The following ABCA1 variants were observed in gnomAD, a reference collection of about 807,000 sequenced individuals.
The protein encoded by ABCA1 is ATP binding cassette subfamily A member 1, also known as phospholipid-transporting ATPase ABCA1.
A neutral mutation model predicts 262.5 loss-of-function variants in ABCA1; 133 were observed. That is an observed-to-expected ratio of 0.51 (90% CI 0.44 to 0.59). The LOEUF (loss-of-function observed/expected upper bound fraction) is 0.59, where lower values mean the gene tolerates loss of function less well. ABCA1 is among the 20% of genes least tolerant of loss of function. The probability of loss-of-function intolerance (pLI) is 0.00; values close to 1 mark genes in which losing one functional copy is unlikely to be tolerated. For missense variants in ABCA1, 2,452 were observed against 2,777.5 expected (o/e 0.88, Z 2.63); for synonymous variants, 1,022 against 1,043.5 (o/e 0.98, Z 0.40).
rs372326845 is a variant in ABCA1 at position 104,920,254 on chromosome 9, G to T, written c.-93+7681C>A. On this transcript the variant is annotated intron_variant, in intron 1 of 49. Transcript: ENST00000374736. The stretch of plus-strand genomic sequence containing the variant: ...TGTATTTTTTCTGAAGAGAAAATCC[G>T]TATCTTTCTTCAAAGAAGTCAACAA... 2.0e-5 allele frequency among the ~76,000 whole-genome samples: 3 copies of T among 152,250 alleles called. No homozygotes were observed. In the East Asian group the frequency reaches 5.8e-4, roughly 29 times the overall value.
chr9:104,787,891 AAC>A, intron 46 of ABCA1, 27 bp downstream of exon 46: 2 of 1,613,916 alleles, frequency 1.2e-6, no homozygotes, highest in Middle Eastern at 1.7e-4. Flanking sequence ...AGGCCAGAAC[AAC>A]AGTTTTCCAT....
chr9:104,833,840 C>T (rs939675333), intron 11 of ABCA1, among the ~76,000 whole-genome samples: 5 of 152,186 alleles, frequency 3.3e-5, no homozygotes, highest in African/African-American at 1.2e-4. Flanking sequence ...CATGGGTCAA[C>T]ACGAAAGAGA....
chr9:104,921,883 G>T (rs895738321), intron 1 of ABCA1, among the ~76,000 whole-genome samples: 17 of 152,142 alleles, frequency 1.1e-4, no homozygotes, highest in Admixed American at 6.6e-5. Context: ...TTAAAAAACA[G>T]AATTAAATAC....
intron 32 of ABCA1, 147 bp downstream of exon 32, chr9:104,804,479 T>C (rs1830600590): frequency 2.7e-6 from 2 of 727,848 alleles, no homozygotes; most frequent in Non-Finnish European, 5.0e-6. Context: ...TCATCTTTTC[T>C]AGTTTGGGAT....
chr9:104,858,702 G>C lies in ABCA1; in HGVS notation c.544-4C>G. The C allele has an allele frequency of 6.2e-7, 1 of 1,614,040 alleles. No homozygotes were observed. The highest frequency in any genetic ancestry group is 8.5e-7 in the Non-Finnish European group (1 of 1,180,000). On this transcript the variant is annotated splice_polypyrimidine_tract_variant and splice_region_variant and intron_variant, in intron 6 of 49. Transcript: ENST00000374736. ...ACTGGTAGCCTTGCAAAAATACCTG[G>C]AAGCATTTCATGCAAAGAGAGACAA...
intron 34 of ABCA1, among the ~76,000 whole-genome samples, chr9:104,801,344 C>T (rs144501560): frequency 0.032 from 4,896 of 151,996 alleles, 141 homozygotes; most frequent in Non-Finnish European, 0.045. Context: ...CTCAGCCTCC[C>T]GAGTAGCTGG....
At chr9:104,801,944 C>T in intron 34 of ABCA1, 110 bp downstream of exon 34, 1 of 997,082 alleles carries the variant, frequency 1.0e-6, no homozygotes, top group Non-Finnish European at 1.6e-6. Flanking sequence ...TGTATGCCAA[C>T]ATATTCAGAA....
Position 104,785,653 on chromosome 9 carries a change from A to T in ABCA1, c.6402-14T>A. On this transcript the variant is annotated splice_polypyrimidine_tract_variant and intron_variant, in intron 48 of 49. Transcript: ENST00000374736. Reference sequence around the variant, plus strand: ...CCATCTCCAAACCTGAAAGCAGGAAAAAATACCCAAATGGAGGATCTCCAG... The same window carrying T: ...CCATCTCCAAACCTGAAAGCAGGAATAAATACCCAAATGGAGGATCTCCAG... 1.2e-6 allele frequency: 2 copies of T among 1,613,830 alleles called. No individual in the cohort carries two copies. Among genetic ancestry groups the T allele is most frequent in the Non-Finnish European group, 1.7e-6 (2 of 1,179,982 alleles).
chr9:104,882,112 A>G (rs1325394992), intron 5 of ABCA1, among the ~76,000 whole-genome samples: 2 of 150,764 alleles, frequency 1.3e-5, no homozygotes, highest in Middle Eastern at 3.5e-3. Flanking sequence ...TCTTTTGCCA[A>G]ATAGAAAACA....
At chr9:104,815,819 C>G (rs1831700634) in intron 25 of ABCA1, among the ~76,000 whole-genome samples, 1 of 152,262 alleles carries the variant, frequency 6.6e-6, no homozygotes, top group African/African-American at 2.4e-5. Flanking sequence ...GCCGCTGTTC[C>G]TCACACTGTA....
At position 104,836,970 on chromosome 9, in the gene ABCA1, G is replaced by A; in HGVS notation, c.1311+10C>T. ...AGCAGGCACATGGTAATAATGGGAG[G>A]GACACTCACCCGGACAAGGTCCATT... is the stretch of plus-strand genomic sequence containing the variant. On this transcript the variant is annotated intron_variant, in intron 11 of 49. Transcript: ENST00000374736. The A allele has an allele frequency of 6.2e-7, 1 of 1,603,790 alleles. No individual in the cohort carries two copies. Among genetic ancestry groups the A allele is most frequent in the Non-Finnish European group, 8.5e-7 (1 of 1,170,666 alleles).
chr9:104,822,437 T>C, intron 19 of ABCA1, 59 bp downstream of exon 19: 4 of 1,604,954 alleles, frequency 2.5e-6, no homozygotes, highest in Non-Finnish European at 3.4e-6. Flanking sequence ...TATAAATTTC[T>C]AACTCTACTG....
chr9:104,909,614 ACACAC>A (rs1841376872), intron 1 of ABCA1, among the ~76,000 whole-genome samples: 3 of 57,020 alleles, frequency 5.3e-5, no homozygotes, highest in African/African-American at 2.2e-4. Flanking sequence ...AAATACACAC[ACACAC>A]ACACACACAC....
At chr9:104,886,686 G>A (rs545500894) in intron 3 of ABCA1, among the ~76,000 whole-genome samples, 9 of 152,194 alleles carry the variant, frequency 5.9e-5, no homozygotes, top group Non-Finnish European at 1.3e-4. Context: ...AGCAGGGGTG[G>A]CAAAGGCCCT....
intron 2 of ABCA1, among the ~76,000 whole-genome samples, chr9:104,899,259 G>A (rs1840465934): frequency 6.6e-6 from 1 of 152,232 alleles, no homozygotes; most frequent in Non-Finnish European, 1.5e-5. Context: ...TAAGGACAGG[G>A]AAGAAATGTG....
Position 104,875,860 on chromosome 9 carries a change from C to T in ABCA1, c.421+7179G>A, listed in dbSNP as rs146705980. 6.9e-3 allele frequency among the ~76,000 whole-genome samples: 1,057 copies of T among 152,274 alleles called. 17 individuals are homozygous for T. Among genetic ancestry groups the T allele is most frequent in the Middle Eastern group, 0.048 (14 of 294 alleles). On this transcript the variant is annotated intron_variant, in intron 5 of 49. Coordinates refer to ENST00000374736, the MANE Select transcript of ABCA1 (RefSeq NM_005502.4). ...AGGGACCGCGGTGTGTATGTACCCC[C>T]AGAAACGTGTGACTTGTCAGCCCTA...
chr9:104,920,116 C>T lies in ABCA1; in HGVS notation c.-93+7819G>A, dbSNP rs146181053. Among the ~76,000 whole-genome samples, 939 of 152,234 alleles carry T rather than the reference C, an allele frequency of 6.2e-3. 10 individuals are homozygous for T. The highest frequency in any genetic ancestry group is 0.022 in the African/African-American group (896 of 41,526). On this transcript the variant is annotated intron_variant, in intron 1 of 49. Transcript: ENST00000374736. ...TAGTATCATTTTACAGACCAACAAC[C>T]TAAAAAACAGAAAAGTAAAATGACT... is the stretch of plus-strand genomic sequence containing the variant.
At chr9:104,846,775 G>A (rs1834930494) in intron 7 of ABCA1, among the ~76,000 whole-genome samples, 1 of 152,162 alleles carries the variant, frequency 6.6e-6, no homozygotes, top group South Asian at 2.1e-4. Flanking sequence ...AGTCCTCAAA[G>A]GGACCTACGC....
intron 5 of ABCA1, among the ~76,000 whole-genome samples, chr9:104,875,153 C>A (rs1410598054): frequency 6.6e-6 from 1 of 151,418 alleles, no homozygotes; most frequent in Non-Finnish European, 1.5e-5. Context: ...AAGAAAAATT[C>A]TTCTGCCTTG....
Sources: allele counts gnomAD v4.1 joint callset (sites outside exome capture counted in the v4.1 genomes callset), GRCh38; gene constraint gnomAD v4.1.1; transcripts MANE v1.5; gene names NCBI Gene and HGNC (gene_info 2026-07-23, HGNC 2026-07-21).